The following DNAJC7 variants were observed in gnomAD, a reference collection of about 807,000 sequenced individuals.
DNAJC7 encodes dnaJ homolog subfamily C member 7.
In DNAJC7, 18 loss-of-function variants were observed where a neutral mutation model predicts 67.4. The observed-to-expected ratio is 0.27, with a 90% CI of 0.18 to 0.40. DNAJC7 has a LOEUF of 0.40. DNAJC7 is among the 10% of genes least tolerant of loss of function. The pLI is 1.00. For synonymous variants in DNAJC7, 220 were observed against 207.8 expected (o/e 1.06, Z -0.50); for missense variants, 419 against 613.8 (o/e 0.68, Z 3.35).
At chr17:41,994,117 C>G (rs1240735145) in intron 5 of DNAJC7, among the ~76,000 whole-genome samples, 5 of 151,496 alleles carry the variant, frequency 3.3e-5, no homozygotes, top group Non-Finnish European at 5.9e-5. Flanking sequence ...GCGGGCAGAT[C>G]AGGAGGTCAG....
intron 1 of DNAJC7, among the ~76,000 whole-genome samples, chr17:42,002,361 G>A (rs2051830166): frequency 6.6e-6 from 1 of 152,206 alleles, no homozygotes; most frequent in African/African-American, 2.4e-5. Flanking sequence ...GGGAGACACT[G>A]TGTCAGCAGT....
chr17:42,002,097 T>C (rs934273486), intron 1 of DNAJC7, among the ~76,000 whole-genome samples: 23 of 152,230 alleles, frequency 1.5e-4, no homozygotes, highest in African/African-American at 5.5e-4. Flanking sequence ...CCTGTAACTC[T>C]AAATTAAGCA....
intron 1 of DNAJC7, among the ~76,000 whole-genome samples, chr17:42,009,806 C>T (rs182897348): frequency 6.6e-6 from 1 of 152,292 alleles, no homozygotes; most frequent in Non-Finnish European, 1.5e-5. Context: ...TATAGGGACA[C>T]CAGCACCCAT....
chr17:41,981,342 G>A (rs1167517725), intron 12 of DNAJC7, among the ~76,000 whole-genome samples: 1 of 151,720 alleles, frequency 6.6e-6, no homozygotes, highest in African/African-American at 2.4e-5. Context: ...GATTACAGGC[G>A]CCCACCACCA....
intron 12 of DNAJC7, chr17:41,981,607 G>T: frequency 2.2e-6 from 1 of 464,232 alleles, no homozygotes; most frequent in Non-Finnish European, 3.8e-6. Context: ...TGGGATTACA[G>T]GCATGACCCA....
At chr17:42,017,188 G>A (rs1156564841) in intron 1 of DNAJC7, 152 bp downstream of exon 1, 2 of 1,566,056 alleles carry the variant, frequency 1.3e-6, no homozygotes, top group East Asian at 2.3e-5. Flanking sequence ...CGCCCCTTCA[G>A]GGGGTCCATC....
At position 42,017,435 on chromosome 17, in the gene DNAJC7, G is replaced by T. The variant is rs782817652; in HGVS notation, c.-19C>A. 1.2e-6 allele frequency: 2 copies of T among 1,604,560 alleles called. No homozygotes were observed. Among genetic ancestry groups the T allele is most frequent in the Non-Finnish European group, 1.7e-6 (2 of 1,179,822 alleles). On this transcript the variant is annotated 5_prime_UTR_variant, in exon 1 of 14. Transcript: ENST00000457167. ...CCGCCATCTTACCGCCGGGACCAGAGAGCTGGGTGGGAGGCCGGCGGTGAA... is the reference window on the plus strand; with the variant it reads ...CCGCCATCTTACCGCCGGGACCAGATAGCTGGGTGGGAGGCCGGCGGTGAA...
At chr17:42,017,271 G>T in intron 1 of DNAJC7, 69 bp downstream of exon 1, 1 of 1,605,562 alleles carries the variant, frequency 6.2e-7, no homozygotes, top group Non-Finnish European at 8.5e-7. Flanking sequence ...GCTGCATCAT[G>T]GCAGGAACGA....
At chr17:41,984,149 C>T (rs573423098) in intron 9 of DNAJC7, among the ~76,000 whole-genome samples, 25 of 152,272 alleles carry the variant, frequency 1.6e-4, no homozygotes, top group African/African-American at 5.8e-4. Flanking sequence ...CAAATCCCTC[C>T]ACTAAGACCA....
At chr17:42,009,629 G>C (rs2052064970) in intron 1 of DNAJC7, among the ~76,000 whole-genome samples, 2 of 152,208 alleles carry the variant, frequency 1.3e-5, no homozygotes, top group South Asian at 4.1e-4. Context: ...TCCCTGGGGA[G>C]AGGAGACCCA....
At position 41,976,584 on chromosome 17, in the gene DNAJC7, C is replaced by T. The variant is rs781890591; in HGVS notation, c.*149G>A. ...GGCATTGGTTCCCTTTGCTCCACCCCACTCACAGAGACACAGGGCATCCAA... is the reference window on the plus strand; with the variant it reads ...GGCATTGGTTCCCTTTGCTCCACCCTACTCACAGAGACACAGGGCATCCAA... On this transcript the variant is annotated 3_prime_UTR_variant, in exon 14 of 14. Coordinates refer to ENST00000457167, the MANE Select transcript of DNAJC7 (RefSeq NM_003315.4). 1 of 998,196 alleles carries T rather than the reference C, an allele frequency of 1.0e-6. No homozygotes were observed. The highest frequency in any genetic ancestry group is 3.1e-5 in the Admixed American group (1 of 32,720). The allele number at this position is 998,196 out of a possible 1,614,324, so 61.8% of individuals were successfully genotyped here.
chr17:42,003,938 T>C (rs1209950066), intron 1 of DNAJC7, among the ~76,000 whole-genome samples: 5 of 146,086 alleles, frequency 3.4e-5, no homozygotes, highest in Non-Finnish European at 7.5e-5. Context: ...GCATTTCCAA[T>C]GAAGATTTTC....
rs1321172091 is a variant in DNAJC7, at chr17:41,998,852, CTTTAA to C, written c.167-1618_167-1614del. ...TAACATTCAGTATTTCTGGAATTGC[CTTTAA>C]TTTATCAAAAGAAAAACTACCCACC... On this transcript the variant is annotated intron_variant, in intron 2 of 13. Transcript: ENST00000457167. Among the ~76,000 whole-genome samples, 3 of 151,982 alleles carry C rather than the reference CTTTAA, an allele frequency of 2.0e-5. No homozygotes were observed. The East Asian group carries it at 5.8e-4, about 29-fold the overall frequency.
intron 8 of DNAJC7, 66 bp from the exon 9 acceptor site, chr17:41,987,976 G>A: frequency 7.4e-7 from 1 of 1,356,984 alleles, no homozygotes; most frequent in Non-Finnish European, 1.0e-6. Flanking sequence ...GAAGCTGTGA[G>A]CATGGCTTCA....
At chr17:41,987,676 A>G (rs1286257486) in intron 9 of DNAJC7, 143 bp downstream of exon 9, 4 of 643,600 alleles carry the variant, frequency 6.2e-6, no homozygotes, top group Admixed American at 2.8e-5. Flanking sequence ...AAGATAGTCT[A>G]GGGCTGGAAC....
chr17:42,012,005 G>A (rs1598155102), intron 1 of DNAJC7, among the ~76,000 whole-genome samples: 1 of 152,320 alleles, frequency 6.6e-6, no homozygotes, highest in Middle Eastern at 3.4e-3. Context: ...TAGGTAGTAA[G>A]GGCCTAATAA....
chr17:42,012,550 G>A (rs1332676206), intron 1 of DNAJC7, among the ~76,000 whole-genome samples: 6 of 152,198 alleles, frequency 3.9e-5, no homozygotes, highest in Non-Finnish European at 8.8e-5. Context: ...AGATCAAGCT[G>A]TTTCCCAGCC....
At position 42,000,546 on chromosome 17, in the gene DNAJC7, T is replaced by C; in HGVS notation, c.102A>G (p.Gln34=). 6.2e-7 allele frequency: 1 copy of C among 1,611,946 alleles called. No homozygotes were observed. Among genetic ancestry groups the C allele is most frequent in the South Asian group, 1.1e-5 (1 of 90,666 alleles). Residue 34 remains glutamine, a synonymous_variant, in exon 2 of 14, where the codon CAA becomes CAG. Transcript: ENST00000457167. ...CTTTCTTGGCATAGTATGCATTTCC[T>C]TGTTCCTTGAAAGTCTCTGCTTCCC... is the stretch of plus-strand genomic sequence containing the variant. The part of the protein sequence containing the change: ...AKREAETFKE[Q]GNAYYAKKDY...
At chr17:42,005,121 T>C (rs1229857462) in intron 1 of DNAJC7, among the ~76,000 whole-genome samples, 4 of 152,244 alleles carry the variant, frequency 2.6e-5, no homozygotes, top group Admixed American at 1.3e-4. Context: ...TTTAGACATG[T>C]AGTTACATTA....
Sources: gnomAD v4.1 joint callset for allele counts (sites outside exome capture counted in the v4.1 genomes callset) on GRCh38, gnomAD v4.1.1 for gene constraint, MANE v1.5 for transcripts, NCBI Gene and HGNC (gene_info 2026-07-23, HGNC 2026-07-21) for gene names.